Variants in MYRIP observed in about 807,000 individuals in gnomAD.
MYRIP encodes rab effector MyRIP.
A neutral mutation model predicts 98.0 loss-of-function variants in MYRIP; 49 were observed. The observed-to-expected ratio is 0.50, with a 90% CI of 0.40 to 0.63. The LOEUF (loss-of-function observed/expected upper bound fraction) is 0.63. Among genes scored for constraint, MYRIP ranks in the 30% least tolerant of loss-of-function variants. MYRIP has a pLI of 0.00. For synonymous variants in MYRIP, 404 were observed against 409.5 expected, an observed-to-expected ratio of 0.99 and a Z score of 0.16; for missense variants, 1,004 against 1,058.2, an observed-to-expected ratio of 0.95 and a Z score of 0.71.
At chr3:40,141,305 TG>T (rs1244767870) in intron 3 of MYRIP, among the ~76,000 whole-genome samples, 8 of 152,238 alleles carry the variant, frequency 5.3e-5, no homozygotes, top group African/African-American at 1.7e-4. Context: ...TTGGATTGTT[TG>T]TTTTTTTGCT....
chr3:40,056,666 A>G (rs1365178238), intron 3 of MYRIP, among the ~76,000 whole-genome samples: 1 of 152,220 alleles, frequency 6.6e-6, no homozygotes, highest in African/African-American at 2.4e-5. Flanking sequence ...TTTCTCCATT[A>G]TATTTATAGA....
intron 1 of MYRIP, among the ~76,000 whole-genome samples, chr3:39,893,674 TCACACACACACACA>T (rs66667492): frequency 6.8e-6 from 1 of 147,068 alleles, no homozygotes; most frequent in African/African-American, 2.5e-5. Flanking sequence ...TAAGTGGAAA[TCACACACACACACA>T]CACACACACA....
intron 3 of MYRIP, among the ~76,000 whole-genome samples, chr3:40,069,112 T>C (rs567690935): frequency 6.6e-6 from 1 of 152,148 alleles, no homozygotes; most frequent in Admixed American, 6.6e-5. Flanking sequence ...CTGGTACCCA[T>C]GGGACAAAAG....
intron 2 of MYRIP, among the ~76,000 whole-genome samples, chr3:40,011,376 TC>T (rs1410688980): frequency 2.0e-5 from 3 of 152,208 alleles, no homozygotes; most frequent in Non-Finnish European, 4.4e-5. Context: ...CTCTTTCTAT[TC>T]CTTCTTTCCT....
chr3:39,901,248 A>C (rs1458732920), intron 2 of MYRIP, among the ~76,000 whole-genome samples: 3 of 152,188 alleles, frequency 2.0e-5, no homozygotes, highest in East Asian at 3.9e-4. Context: ...GTCTTATTGA[A>C]GGATAACCAA....
At position 40,190,340 on chromosome 3, in the gene MYRIP, G is replaced by C. The variant is rs780523897; in HGVS notation, c.1542G>C (p.Glu514Asp). Residue 514 changes from glutamate (E) to aspartate (D), a missense_variant, in exon 10 of 17, where the codon GAG (glutamate) becomes GAC (aspartate). By Grantham distance (45) the Glu-to-Asp change is conservative (BLOSUM62 2). Around this residue, in one of 3 missense-constraint regions of MYRIP, gnomAD observed 880 missense variants for 907.7 expected, o/e 0.97. Coordinates refer to ENST00000302541, the MANE Select transcript of MYRIP (RefSeq NM_015460.4). ...AGACCTCGGACAGCAGCGAGCCGGA[G>C]GAGGCCCCCCACACCACAGACCGGC... ...SRETSDSSEP[E>D]EAPHTTDRRA... The C allele has an allele frequency of 1.1e-5, 18 of 1,613,994 alleles. No individual in the cohort carries two copies. The East Asian group carries it at 4.0e-4, about 36-fold the overall frequency.
intron 10 of MYRIP, among the ~76,000 whole-genome samples, chr3:40,208,762 C>T (rs996773154): frequency 2.0e-5 from 3 of 152,178 alleles, no homozygotes; most frequent in African/African-American, 7.2e-5. Context: ...CAACCCCTCC[C>T]ATCAAGTGCT....
intron 11 of MYRIP, among the ~76,000 whole-genome samples, chr3:40,228,329 T>C (rs1005109814): frequency 2.0e-5 from 3 of 152,238 alleles, no homozygotes; most frequent in African/African-American, 7.2e-5. Context: ...TGTATTGGCA[T>C]AAATATACTA....
chr3:40,115,319 T>C (rs530081265), intron 3 of MYRIP, among the ~76,000 whole-genome samples: 49 of 152,302 alleles, frequency 3.2e-4, no homozygotes, highest in Non-Finnish European at 5.7e-4. Context: ...GGGTAATTTA[T>C]AAAGAAAATA....
At chr3:40,212,515 T>G (rs1476589209) in intron 11 of MYRIP, among the ~76,000 whole-genome samples, 1 of 152,090 alleles carries the variant, frequency 6.6e-6, no homozygotes, top group Non-Finnish European at 1.5e-5. Flanking sequence ...ATGCCCATAA[T>G]CCCAGCACTT....
chr3:39,919,644 AG>A (rs1944254322), intron 2 of MYRIP, among the ~76,000 whole-genome samples: 1 of 151,190 alleles, frequency 6.6e-6, no homozygotes. Flanking sequence ...GTGATCCTGA[AG>A]TAGGCCTGTA....
chr3:39,996,682 C>T (rs1438515004), intron 2 of MYRIP, among the ~76,000 whole-genome samples: 1 of 152,106 alleles, frequency 6.6e-6, no homozygotes, highest in Non-Finnish European at 1.5e-5. Flanking sequence ...ACCAAGTGGA[C>T]CTAATAGACA....
At chr3:39,970,790 GTGTAATTTC>G (rs1945562229) in intron 2 of MYRIP, among the ~76,000 whole-genome samples, 1 of 152,060 alleles carries the variant, frequency 6.6e-6, no homozygotes, top group Non-Finnish European at 1.5e-5. Context: ...GTGTCTACAT[GTGTAATTTC>G]TTTTCTCTAC....
intron 1 of MYRIP, among the ~76,000 whole-genome samples, chr3:39,867,021 C>G (rs1017303975): frequency 6.6e-6 from 1 of 152,000 alleles, no homozygotes; most frequent in Non-Finnish European, 1.5e-5. Flanking sequence ...AGAGATAAAC[C>G]CATGCATATA....
At chr3:40,115,492 A>G in intron 3 of MYRIP, among the ~76,000 whole-genome samples, 1 of 152,172 alleles carries the variant, frequency 6.6e-6, no homozygotes, top group East Asian at 1.9e-4. Flanking sequence ...CTCACTCACT[A>G]TCACAAGAAC....
intron 3 of MYRIP, among the ~76,000 whole-genome samples, chr3:40,137,077 A>C (rs1401069636): frequency 6.6e-6 from 1 of 152,246 alleles, no homozygotes; most frequent in Non-Finnish European, 1.5e-5. Flanking sequence ...ACCCTTCAAA[A>C]AATCAATGAA....
At chr3:40,248,252 G>A (rs187598084) in intron 13 of MYRIP, 1 of 152,330 alleles carries the variant, frequency 6.6e-6, no homozygotes, top group East Asian at 1.9e-4. Context: ...GACCCTTGTG[G>A]AGCATGCTAA....
chr3:39,838,236 C>A (rs1304979504), intron 1 of MYRIP, among the ~76,000 whole-genome samples: 1 of 146,506 alleles, frequency 6.8e-6, no homozygotes, highest in Non-Finnish European at 1.5e-5. Context: ...CCGGAACTTC[C>A]AATACTATGT....
intron 1 of MYRIP, among the ~76,000 whole-genome samples, chr3:39,897,292 G>C (rs1392785052): frequency 6.6e-6 from 1 of 152,308 alleles, no homozygotes; most frequent in East Asian, 1.9e-4. Flanking sequence ...AATATGTCTT[G>C]TGTAAGCCCC....
Sources: allele counts gnomAD v4.1 joint callset (sites outside exome capture counted in the v4.1 genomes callset), GRCh38; gene constraint gnomAD v4.1.1; regional missense constraint gnomAD v4.1.1; transcripts MANE v1.5; gene names NCBI Gene and HGNC (gene_info 2026-07-23, HGNC 2026-07-21).